The following C9 variants were observed in gnomAD, a reference collection of about 807,000 sequenced individuals.
The protein encoded by C9 is complement component C9.
C9 carries 63 observed loss-of-function variants against 65.4 expected under a neutral mutation model. That is an observed-to-expected ratio of 0.96 (90% CI 0.79 to 1.19). C9 has a LOEUF of 1.19. C9 is among the 50% of genes most tolerant of loss of function. The pLI is 0.00. For synonymous variants in C9, 229 were observed against 227.9 expected, an observed-to-expected ratio of 1.00 and a Z score of -0.04; for missense variants, 744 against 670.1, an observed-to-expected ratio of 1.11 and a Z score of -1.22.
intron 1 of C9, among the ~76,000 whole-genome samples, chr5:39,344,801 C>G (rs932434151): frequency 2.0e-5 from 3 of 152,132 alleles, no homozygotes; most frequent in Non-Finnish European, 4.4e-5. Context: ...AAAGGGAAAC[C>G]CATCAGACTA....
rs571503056 is a variant in C9 at position 39,345,777 on chromosome 5, A to C, written c.78-3581T>G. ...TTGACGACACAGTTGGAAGTAAAGC[A>C]CTCCTCAGAAAATGTAAAAGAACAG... On this transcript the variant is annotated intron_variant, in intron 1 of 10. Coordinates refer to ENST00000263408, the MANE Select transcript of C9 (RefSeq NM_001737.5). Among the ~76,000 whole-genome samples, 35 of 152,290 alleles carry C rather than the reference A, an allele frequency of 2.3e-4. 1 individual carries two copies. Among genetic ancestry groups the C allele is most frequent in the Non-Finnish European group, 3.7e-4 (25 of 68,014 alleles).
At chr5:39,351,601 C>T (rs2617623) in intron 1 of C9, among the ~76,000 whole-genome samples, 145,008 of 152,252 alleles carry the variant, frequency 0.95, 69,194 homozygotes, top group Non-Finnish European at 0.98. Flanking sequence ...TCTCTCAAGT[C>T]CAAAGTTCCA....
intron 1 of C9, among the ~76,000 whole-genome samples, chr5:39,343,323 C>T (rs967951630): frequency 6.6e-6 from 1 of 152,176 alleles, no homozygotes; most frequent in East Asian, 1.9e-4. Context: ...CGGGTCACTT[C>T]CACCCCAATA....
At chr5:39,303,827 T>C (rs1753328729) in intron 9 of C9, among the ~76,000 whole-genome samples, 1 of 152,064 alleles carries the variant, frequency 6.6e-6, no homozygotes, top group South Asian at 2.1e-4. Flanking sequence ...GACAAATCAG[T>C]GTGTCTATAT....
Position 39,284,855 on chromosome 5 carries a change from A to G in C9, c.*344T>C. ...CTGGCAGAATATGTTAACCATACAA[A>G]GCCGTTTGAAAATTACTTTGAAGTT... is the stretch of plus-strand genomic sequence containing the variant. On this transcript the variant is annotated 3_prime_UTR_variant, in exon 11 of 11. Coordinates refer to ENST00000263408, the MANE Select transcript of C9 (RefSeq NM_001737.5). The G allele has an allele frequency of 3.1e-6, 1 of 317,942 alleles. No individual in the cohort carries two copies. 19.7% of individuals were successfully genotyped at this position (317,942 alleles called of 1,614,324 possible).
intron 3 of C9, 33 bp from the exon 4 acceptor site, chr5:39,341,326 C>G (rs759779066): frequency 7.6e-5 from 123 of 1,611,752 alleles, no homozygotes; most frequent in Middle Eastern, 1.6e-4. Flanking sequence ...CTCAATGTAT[C>G]TAATGTCAAA....
At chr5:39,303,911 C>G (rs1457633622) in intron 9 of C9, among the ~76,000 whole-genome samples, 2 of 152,178 alleles carry the variant, frequency 1.3e-5, no homozygotes, top group South Asian at 2.1e-4. Flanking sequence ...ATGGCTGATT[C>G]CTGCTTTGCA....
intron 1 of C9, among the ~76,000 whole-genome samples, chr5:39,354,951 C>T (rs377563832): frequency 3.9e-4 from 60 of 152,166 alleles, no homozygotes; most frequent in African/African-American, 1.4e-3. Flanking sequence ...AGGAATTGCT[C>T]TAGGCTCTAT....
chr5:39,364,386 A>G lies in C9; in HGVS notation c.77+2T>C. Reference sequence around the variant, plus strand: ...AGACAAGCAGAAAAGTAACTGACTCACCTGGTCGTGTACTGTGCTGTGAGG... The same window carrying G: ...AGACAAGCAGAAAAGTAACTGACTCGCCTGGTCGTGTACTGTGCTGTGAGG... On this transcript the variant is annotated splice_donor_variant, in intron 1 of 10. Transcript: ENST00000263408. LOFTEE classifies it high-confidence loss of function. The G allele has an allele frequency of 6.4e-7, 1 of 1,562,776 alleles. No individual in the cohort carries two copies.
At chr5:39,287,694 G>T (rs779452737) in intron 10 of C9, among the ~76,000 whole-genome samples, 29 of 151,954 alleles carry the variant, frequency 1.9e-4, no homozygotes, top group Non-Finnish European at 2.9e-4. Flanking sequence ...GGAGCTGGAG[G>T]TCATTATCCT....
intron 1 of C9, among the ~76,000 whole-genome samples, chr5:39,353,434 A>T (rs1296147664): frequency 6.6e-6 from 1 of 152,224 alleles, no homozygotes; most frequent in Non-Finnish European, 1.5e-5. Context: ...AGCTCCAGCT[A>T]CACTGAACAT....
chr5:39,336,997 T>C (rs1168177147), intron 4 of C9, among the ~76,000 whole-genome samples: 1 of 151,938 alleles, frequency 6.6e-6, no homozygotes, highest in Non-Finnish European at 1.5e-5. Context: ...TTTTTTCCTC[T>C]CTATAGTAAA....
intron 7 of C9, among the ~76,000 whole-genome samples, chr5:39,309,410 C>A (rs1753440004): frequency 6.6e-6 from 1 of 152,038 alleles, no homozygotes; most frequent in South Asian, 2.1e-4. Flanking sequence ...CATCTGGGGG[C>A]ATTTAGGCGT....
At chr5:39,326,858 C>A (rs969043665) in intron 5 of C9, among the ~76,000 whole-genome samples, 2 of 152,138 alleles carry the variant, frequency 1.3e-5, no homozygotes, top group Non-Finnish European at 2.9e-5. Context: ...TTGCTGTCAA[C>A]TTTAATGGCA....
At chr5:39,338,714 C>A (rs1371627110) in intron 4 of C9, among the ~76,000 whole-genome samples, 1 of 152,154 alleles carries the variant, frequency 6.6e-6, no homozygotes, top group African/African-American at 2.4e-5. Context: ...AGCTAGGGCA[C>A]CACCTTCTTA....
chr5:39,343,793 C>T (rs935275099), intron 1 of C9, among the ~76,000 whole-genome samples: 7 of 152,210 alleles, frequency 4.6e-5, no homozygotes, highest in Admixed American at 2.6e-4. Context: ...CAGACTGACA[C>T]CTCACATGGC....
Position 39,331,702 on chromosome 5 carries a change from A to G in C9, c.589T>C (p.Trp197Arg), listed in dbSNP as rs1470075923. 4 of 1,614,010 alleles carry G rather than the reference A, an allele frequency of 2.5e-6. No individual in the cohort carries two copies. Among genetic ancestry groups the G allele is most frequent in the Non-Finnish European group, 3.4e-6 (4 of 1,179,848 alleles). ...TCATAGATCAAAGAAGCCACGTTCC[A>G]AGGTCTTCGGTAGTATGTCAGAGTG... is the stretch of plus-strand genomic sequence containing the variant. Reference protein sequence around the residue: ...GNTLTYYRRPWNVASLIYETK... With the variant: ...GNTLTYYRRPRNVASLIYETK... Residue 197 changes from tryptophan to arginine, a missense_variant, in exon 5 of 11, where the codon TGG (tryptophan) becomes CGG (arginine). Trp to Arg is a moderately radical substitution (Grantham distance 101). Transcript: ENST00000263408.
chr5:39,289,329 T>G (rs1430165288), intron 9 of C9, among the ~76,000 whole-genome samples: 8 of 151,892 alleles, frequency 5.3e-5, no homozygotes. Context: ...GCCTTCTTCC[T>G]TCTCTTCCAG....
At position 39,288,838 on chromosome 5, in the gene C9, G is replaced by T. The variant is rs927186988; in HGVS notation, c.1530C>A (p.Cys510Ter). Residue 510 changes from cysteine (C) to a stop codon, truncating the protein, a stop_gained, in exon 10 of 11, where the codon TGC (cysteine) becomes TGA (stop). Coordinates refer to ENST00000263408, the MANE Select transcript of C9 (RefSeq NM_001737.5). LOFTEE classifies it high-confidence loss of function. ...CTGTACCTCCATTTTGGCATGTGTG[G>T]CATTTTCTTACACTAAATTCATTGA... ...DYINEFSVRK[C>*]HTCQNGGTVI... is the part of the protein sequence containing the mutation. The T allele has an allele frequency of 3.7e-6, 6 of 1,609,920 alleles. No homozygotes were observed. In the African/African-American group the frequency reaches 6.7e-5, roughly 18 times the overall value.
Sources: gnomAD v4.1 joint callset for allele counts (sites outside exome capture counted in the v4.1 genomes callset) on GRCh38, gnomAD v4.1.1 for gene constraint, MANE v1.5 for transcripts, NCBI Gene and HGNC (gene_info 2026-07-23, HGNC 2026-07-21) for gene names.